RIN2: variants seen among roughly 807,000 people sequenced by gnomAD.
RIN2 encodes the protein Ras and Rab interactor 2, also known as RAB5 interacting protein 2.
In RIN2, 36 loss-of-function variants were observed where a neutral mutation model predicts 78.0. The ratio of observed to expected loss-of-function variants is 0.46; its 90% CI spans 0.35 to 0.61. RIN2 has a LOEUF of 0.61. Among genes scored for constraint, RIN2 ranks in the 20% least tolerant of loss-of-function variants. The pLI is 0.00. For missense variants in RIN2, 1,087 were observed against 1,159.7 expected (o/e 0.94, Z 0.91); for synonymous variants, 466 against 466.8 (o/e 1.00, Z 0.02).
chr20:19,816,587 C>T (rs2035774698), intron 2 of RIN2, among the ~76,000 whole-genome samples: 1 of 152,166 alleles, frequency 6.6e-6, no homozygotes, highest in Non-Finnish European at 1.5e-5. Context: ...TTTTACGTGT[C>T]TGTTAGCATG....
intron 1 of RIN2, among the ~76,000 whole-genome samples, chr20:19,792,207 C>T (rs2034909076): frequency 6.6e-6 from 1 of 152,134 alleles, no homozygotes; most frequent in South Asian, 2.1e-4. Context: ...GCGTGGTTTG[C>T]CTTGGCTTTT....
chr20:19,780,425 A>G (rs766599513), intron 1 of RIN2, among the ~76,000 whole-genome samples: 35 of 152,176 alleles, frequency 2.3e-4, no homozygotes, highest in Admixed American at 1.4e-3. Context: ...ACCCACTGAG[A>G]TAAGAGACCA....
chr20:19,832,370 C>T (rs1025789878), intron 2 of RIN2, among the ~76,000 whole-genome samples: 4 of 148,666 alleles, frequency 2.7e-5, no homozygotes, highest in East Asian at 2.0e-4. Context: ...TGTGGCATCC[C>T]GATGGCTCTC....
At chr20:19,908,899 CTG>C (rs2039342084) in intron 3 of RIN2, among the ~76,000 whole-genome samples, 1 of 152,184 alleles carries the variant, frequency 6.6e-6, no homozygotes. Context: ...AGTTTTGCTC[CTG>C]TTGCCCAGGC....
In RIN2 at chr20:19,804,659, A is replaced by ATT. The variant is rs201553913; in HGVS notation, c.-37+4918_-37+4919dup. Among the ~76,000 whole-genome samples, 821 of 151,834 alleles carry ATT rather than the reference A, an allele frequency of 5.4e-3. 12 individuals carry two copies. The highest frequency in any genetic ancestry group is 0.018 in the African/African-American group (731 of 41,372). The stretch of plus-strand genomic sequence containing the variant: ...ATCAGGGATATTGGCCTGAAGTTTT[A>ATT]TTTTTTTGTTGTATCTCTGCCAGGT... On this transcript the variant is annotated intron_variant, in intron 2 of 12. Coordinates refer to ENST00000255006, the MANE Select transcript of RIN2 (RefSeq NM_018993.4).
chr20:19,880,392 CTTTTTT>C (rs33934712), intron 2 of RIN2, among the ~76,000 whole-genome samples: 1 of 57,386 alleles, frequency 1.7e-5, no homozygotes, highest in African/African-American at 7.5e-5. Context: ...GGAAGTCATT[CTTTTTT>C]TTTTTTTTTT....
intron 2 of RIN2, among the ~76,000 whole-genome samples, chr20:19,831,601 G>T (rs4814905): frequency 0.43 from 65,468 of 151,992 alleles, 14,497 homozygotes; most frequent in African/African-American, 0.52. Context: ...TTTATGAACT[G>T]ATTTCAAAGA....
intron 9 of RIN2, among the ~76,000 whole-genome samples, chr20:19,978,390 T>C (rs574409991): frequency 1.3e-5 from 2 of 152,342 alleles, no homozygotes; most frequent in African/African-American, 4.8e-5. Flanking sequence ...ATGGAGATAC[T>C]ACTCATCTGT....
chr20:19,861,620 A>ACCCTCCATATCTGATGATCT (rs1395924739), intron 2 of RIN2, among the ~76,000 whole-genome samples: 96 of 149,324 alleles, frequency 6.4e-4, no homozygotes, highest in South Asian at 1.3e-3. Flanking sequence ...TCTGATGATC[A>ACCCTCCATATCTGATGATCT]CCCTCCATAT....
chr20:19,802,715 C>T (rs1269520490), intron 2 of RIN2, among the ~76,000 whole-genome samples: 1 of 152,146 alleles, frequency 6.6e-6, no homozygotes, highest in Non-Finnish European at 1.5e-5. Flanking sequence ...ATCCCCTTCT[C>T]CACCTTGACT....
At chr20:19,924,068 T>G (rs73279384) in intron 3 of RIN2, among the ~76,000 whole-genome samples, 1 of 46,792 alleles carries the variant, frequency 2.1e-5, no homozygotes, top group African/African-American at 8.9e-5. Flanking sequence ...CATACCCCAC[T>G]TTCATACCCC....
intron 2 of RIN2, among the ~76,000 whole-genome samples, chr20:19,843,113 G>C (rs966239058): frequency 2.6e-5 from 4 of 152,188 alleles, no homozygotes; most frequent in Non-Finnish European, 5.9e-5. Context: ...AAATGAATGA[G>C]GAGTTGCTTC....
chr20:19,885,340 G>T (rs4813379), intron 2 of RIN2, among the ~76,000 whole-genome samples: 1 of 152,126 alleles, frequency 6.6e-6, no homozygotes, highest in East Asian at 1.9e-4. Flanking sequence ...TGTGCAACAC[G>T]GTGACTGTAG....
intron 2 of RIN2, among the ~76,000 whole-genome samples, chr20:19,886,989 A>G (rs2038226285): frequency 6.6e-6 from 1 of 151,886 alleles, no homozygotes; most frequent in South Asian, 2.1e-4. Flanking sequence ...TACTACAGAA[A>G]GATCTTAAAC....
chr20:19,846,449 G>T (rs1486846590), intron 2 of RIN2, among the ~76,000 whole-genome samples: 2 of 152,106 alleles, frequency 1.3e-5, no homozygotes, highest in African/African-American at 2.4e-5. Flanking sequence ...CACATCCCTT[G>T]TAAGTTGGAT....
At position 19,949,736 on chromosome 20, in the gene RIN2, A is replaced by T. The variant is rs559212868; in HGVS notation, c.159-6879A>T. The stretch of plus-strand genomic sequence containing the variant: ...GGAGGTGCAAGGGAGGCTTCATAGC[A>T]TGCTTTGTCTAGACCCTGGTCACTA... On this transcript the variant is annotated intron_variant, in intron 4 of 12. Transcript: ENST00000255006. Among the ~76,000 whole-genome samples the T allele has an allele frequency of 4.6e-3, 693 of 152,302 alleles. 9 individuals are homozygous for T. Among genetic ancestry groups the T allele is most frequent in the African/African-American group, 0.016 (663 of 41,562 alleles).
At chr20:19,873,377 C>T (rs935885224) in intron 2 of RIN2, among the ~76,000 whole-genome samples, 4 of 152,150 alleles carry the variant, frequency 2.6e-5, no homozygotes, top group Non-Finnish European at 4.4e-5. Flanking sequence ...CCTCCTGCTT[C>T]AGCCTGCCAA....
intron 3 of RIN2, among the ~76,000 whole-genome samples, chr20:19,924,235 C>T (rs1157317068): frequency 3.0e-5 from 1 of 32,886 alleles, no homozygotes; most frequent in African/African-American, 2.1e-4. Context: ...CTTCCATACC[C>T]CACCTTCAAA....
chr20:19,937,798 C>T (rs1476448695), intron 4 of RIN2, among the ~76,000 whole-genome samples: 1 of 152,208 alleles, frequency 6.6e-6, no homozygotes, highest in African/African-American at 2.4e-5. Flanking sequence ...GACAGATAGG[C>T]ATAAATGACA....
Sources: gnomAD v4.1 joint callset for allele counts (sites outside exome capture counted in the v4.1 genomes callset) on GRCh38, gnomAD v4.1.1 for gene constraint, MANE v1.5 for transcripts, NCBI Gene and HGNC (gene_info 2026-07-23, HGNC 2026-07-21) for gene names.